The following DMD variants were observed in gnomAD, a reference collection of about 807,000 sequenced individuals.
The protein encoded by DMD is dystrophin.
Under a neutral mutation model 330.1 loss-of-function variants are expected in DMD, and 63 were observed. The observed-to-expected ratio is 0.19, with a 90% CI of 0.16 to 0.24. The LOEUF (loss-of-function observed/expected upper bound fraction) is 0.24. Among genes scored for constraint, DMD ranks in the 10% least tolerant of loss-of-function variants. The pLI, the probability that DMD is intolerant of heterozygous loss-of-function variation, is 1.00. For missense variants in DMD, 3,344 were observed against 2,684.1 expected (o/e 1.25, Z -5.43); for synonymous variants, 1,223 against 959.8 (o/e 1.27, Z -5.07).
chrX:32,930,966 CATATATT>C (rs952251821), intron 2 of DMD, among the ~76,000 whole-genome samples: 14 of 107,138 alleles, frequency 1.3e-4, no homozygotes, highest in Non-Finnish European at 2.5e-4. Context: ...TTATATGATT[CATATATT>C]ATATATTATA....
chrX:31,759,689 GCAGTA>G (rs1398896950), intron 51 of DMD, among the ~76,000 whole-genome samples: 1 of 111,499 alleles, frequency 9.0e-6, no homozygotes, highest in East Asian at 2.8e-4. Context: ...TATATGTAAA[GCAGTA>G]ATCTATTTTT....
At chrX:31,209,154 G>A (rs987327288) in intron 65 of DMD, among the ~76,000 whole-genome samples, 2 of 111,225 alleles carry the variant, frequency 1.8e-5, no homozygotes, top group African/African-American at 6.5e-5. Context: ...AGCCATGGCC[G>A]CCAGTGAGAG....
intron 52 of DMD, among the ~76,000 whole-genome samples, chrX:31,718,781 G>T (rs2085254452): frequency 8.9e-6 from 1 of 111,815 alleles, no homozygotes; most frequent in South Asian, 3.7e-4. Flanking sequence ...TTTTATAGCA[G>T]CCTGAGCTTA....
In DMD at chrX:33,002,314, A is replaced by C. The variant is rs187098188; in HGVS notation, c.93+17825T>G. Among the ~76,000 whole-genome samples, 31 of 111,365 alleles carry C rather than the reference A, an allele frequency of 2.8e-4. No homozygotes were observed. In the East Asian group the frequency reaches 7.4e-3, roughly 27 times the overall value. Reference sequence around the variant, plus strand: ...AACAAAGCAAGGAAGGAATGAAGGGATTTATTTAAAATGAAAAGTACATGC... The same window carrying C: ...AACAAAGCAAGGAAGGAATGAAGGGCTTTATTTAAAATGAAAAGTACATGC... On this transcript the variant is annotated intron_variant, in intron 2 of 78. Transcript: ENST00000357033.
chrX:31,916,962 CAA>C (rs939222632), intron 47 of DMD, among the ~76,000 whole-genome samples: 1 of 112,187 alleles, frequency 8.9e-6, no homozygotes, highest in Non-Finnish European at 1.9e-5. Flanking sequence ...TCATAAATAT[CAA>C]GAGACAAAAT....
rs758360410 is a variant in DMD at position 33,337,025 on chromosome X, T to C, written c.7+2234A>G. On this transcript the variant is annotated intron_variant, in intron 1 of 17. Transcript: ENST00000288447. The stretch of plus-strand genomic sequence containing the variant: ...CAATCCATTCATCAGTGGGACCAAA[T>C]ACAGAGCACTTTCTAACCGCAAATG... Among the ~76,000 whole-genome samples the C allele has an allele frequency of 2.7e-5, 3 of 111,779 alleles. No individual in the cohort carries two copies. The East Asian group carries it at 8.4e-4, about 31-fold the overall frequency.
chrX:32,807,548 T>C (rs1167448975), intron 7 of DMD, among the ~76,000 whole-genome samples: 1 of 111,630 alleles, frequency 9.0e-6, no homozygotes, highest in Non-Finnish European at 1.9e-5. Flanking sequence ...GGATATACAA[T>C]GTACCTTTCT....
chrX:33,306,963 T>A (rs1458795458), intron 1 of DMD, among the ~76,000 whole-genome samples: 3 of 111,987 alleles, frequency 2.7e-5, no homozygotes, highest in African/African-American at 9.7e-5. Flanking sequence ...TATTAATATT[T>A]AGCTCATTGG....
chrX:32,605,159 G>T (rs911612090), intron 12 of DMD, among the ~76,000 whole-genome samples: 2 of 110,915 alleles, frequency 1.8e-5, no homozygotes, highest in African/African-American at 6.5e-5. Flanking sequence ...ATACTAAAAG[G>T]CTACAGTAAC....
chrX:33,231,383 C>A (rs2052385430), intron 1 of DMD, among the ~76,000 whole-genome samples: 1 of 111,838 alleles, frequency 8.9e-6, no homozygotes, highest in African/African-American at 3.2e-5. Context: ...TACTAAAAAC[C>A]ACCAGATAGA....
At chrX:32,802,250 A>G (rs758685910) in intron 7 of DMD, among the ~76,000 whole-genome samples, 1 of 111,241 alleles carries the variant, frequency 9.0e-6, no homozygotes, top group South Asian at 3.8e-4. Context: ...GATTGCTAGG[A>G]ATTCTATTCT....
At chrX:31,461,579 A>G (rs1047308690) in intron 59 of DMD, among the ~76,000 whole-genome samples, 2 of 111,765 alleles carry the variant, frequency 1.8e-5, no homozygotes, top group Admixed American at 9.5e-5. Flanking sequence ...TTTCTTACTA[A>G]TAGTGATCAC....
intron 1 of DMD, among the ~76,000 whole-genome samples, chrX:33,227,138 T>C (rs1239754209): frequency 1.8e-5 from 2 of 110,987 alleles, no homozygotes; most frequent in Non-Finnish European, 3.8e-5. Context: ...TTATTGTTAA[T>C]ACTCAAAACT....
chrX:31,742,122 G>GATTAGC (rs1266826098), intron 51 of DMD, among the ~76,000 whole-genome samples: 1 of 112,197 alleles, frequency 8.9e-6, no homozygotes, highest in African/African-American at 3.2e-5. Context: ...CTTTGCTTTA[G>GATTAGC]ATTAGCCTTT....
chrX:31,516,057 C>A (rs1259883903), intron 55 of DMD, among the ~76,000 whole-genome samples: 6 of 111,155 alleles, frequency 5.4e-5, no homozygotes, highest in Non-Finnish European at 1.1e-4. Context: ...AGCACACTTG[C>A]ATACACTCAT....
At chrX:32,557,534 G>C (rs1338473690) in intron 16 of DMD, among the ~76,000 whole-genome samples, 8 of 111,410 alleles carry the variant, frequency 7.2e-5, no homozygotes, top group Non-Finnish European at 1.5e-4. Context: ...GTAACCCTTT[G>C]GAGTGATCAA....
At chrX:31,397,187 T>C (rs1449382814) in intron 60 of DMD, among the ~76,000 whole-genome samples, 2 of 112,225 alleles carry the variant, frequency 1.8e-5, no homozygotes, top group African/African-American at 6.5e-5. Context: ...TATTAGCATT[T>C]GATTTTCTTG....
rs1382285124 is a variant in DMD, at chrX:31,808,084, C to T, written c.7309+11891G>A. Among the ~76,000 whole-genome samples, 41 of 111,708 alleles carry T rather than the reference C, an allele frequency of 3.7e-4. No homozygotes were observed. The Admixed American group carries it at 3.8e-3, about 10-fold the overall frequency. On this transcript the variant is annotated intron_variant, in intron 50 of 78. Transcript: ENST00000357033. ...CCTGGTACAGAGCAAGGCATTAATG[C>T]GTGTTAGCCCTAAGATAAATATTAG...
At chrX:33,279,349 T>A (rs911054285) in intron 1 of DMD, among the ~76,000 whole-genome samples, 1 of 111,279 alleles carries the variant, frequency 9.0e-6, no homozygotes, top group Non-Finnish European at 1.9e-5. Context: ...AAGCAGAGAT[T>A]GTTATTTTTT....
Sources: allele counts gnomAD v4.1 joint callset (sites outside exome capture counted in the v4.1 genomes callset), GRCh38; gene constraint gnomAD v4.1.1; transcripts MANE v1.5; gene names NCBI Gene and HGNC (gene_info 2026-07-23, HGNC 2026-07-21).